Variants in TRAF3 observed in about 807,000 individuals in gnomAD.
TRAF3 encodes the protein TNF receptor-associated factor 3.
Under a neutral mutation model 62.3 loss-of-function variants are expected in TRAF3, and 13 were observed. That is an observed-to-expected ratio of 0.21 (90% CI 0.14 to 0.33). The LOEUF is 0.33. Among genes scored for constraint, TRAF3 ranks in the 10% least tolerant of loss-of-function variants. The pLI is 1.00. For missense variants in TRAF3, 440 were observed against 741.8 expected, an observed-to-expected ratio of 0.59 and a Z score of 4.73; for synonymous variants, 269 against 283.4, an observed-to-expected ratio of 0.95 and a Z score of 0.51.
chr14:102,886,970 C>T (rs566940402), intron 7 of TRAF3, among the ~76,000 whole-genome samples: 4 of 152,304 alleles, frequency 2.6e-5, no homozygotes, highest in Admixed American at 6.5e-5. Flanking sequence ...TCACACATGC[C>T]GGGTGGAGGA....
intron 1 of TRAF3, among the ~76,000 whole-genome samples, chr14:102,789,594 A>ATGTGTG (rs56383846): frequency 0.014 from 2,132 of 148,766 alleles, 19 homozygotes; most frequent in South Asian, 0.022. Context: ...AAAAGGATAT[A>ATGTGTG]TGTGTGTGTG....
chr14:102,789,498 T>C (rs1024350636), intron 1 of TRAF3, among the ~76,000 whole-genome samples: 1 of 152,180 alleles, frequency 6.6e-6, no homozygotes, highest in Non-Finnish European at 1.5e-5. Context: ...TCATGTCATA[T>C]GGGTAATGTG....
chr14:102,832,051 G>C (rs1900723389), intron 2 of TRAF3, among the ~76,000 whole-genome samples: 1 of 152,132 alleles, frequency 6.6e-6, no homozygotes, highest in African/African-American at 2.4e-5. Context: ...ACTTGGGAAA[G>C]AAGTGTGAGA....
chr14:102,904,123 C>T (rs1391751559), intron 11 of TRAF3, among the ~76,000 whole-genome samples: 1 of 152,170 alleles, frequency 6.6e-6, no homozygotes, highest in Non-Finnish European at 1.5e-5. Context: ...CCCAGGAAGC[C>T]ACAGTGGAGC....
chr14:102,884,080 T>A (rs1270189239), intron 6 of TRAF3, among the ~76,000 whole-genome samples: 3 of 152,220 alleles, frequency 2.0e-5, no homozygotes, highest in African/African-American at 7.2e-5. Flanking sequence ...AACAAATTTA[T>A]CCTGTCATAG....
chr14:102,900,950 T>C lies in TRAF3; in HGVS notation c.961-2305T>C, dbSNP rs1012345533. Among the ~76,000 whole-genome samples the C allele has an allele frequency of 3.3e-5, 5 of 152,142 alleles. No homozygotes were observed. In the South Asian group the frequency reaches 1.0e-3, roughly 31 times the overall value. On this transcript the variant is annotated intron_variant, in intron 10 of 11. Coordinates refer to ENST00000392745, the MANE Select transcript of TRAF3 (RefSeq NM_145725.3). The stretch of plus-strand genomic sequence containing the variant: ...AACTGCAGTGACTGAGTGTAGACCG[T>C]TCTTCAAGGATGAAATCACGTTTGC...
intron 2 of TRAF3, among the ~76,000 whole-genome samples, chr14:102,852,415 C>T (rs1036014217): frequency 3.3e-5 from 5 of 152,134 alleles, no homozygotes; most frequent in East Asian, 1.9e-4. Flanking sequence ...GAGACATGAC[C>T]GACTCCAGTG....
chr14:102,848,574 T>G (rs1886853797), intron 2 of TRAF3, among the ~76,000 whole-genome samples: 1 of 152,254 alleles, frequency 6.6e-6, no homozygotes, highest in African/African-American at 2.4e-5. Flanking sequence ...TTAAATTTCA[T>G]TTATAATCAT....
At chr14:102,837,966 C>G (rs1186315778) in intron 2 of TRAF3, among the ~76,000 whole-genome samples, 1 of 152,112 alleles carries the variant, frequency 6.6e-6, no homozygotes, top group Non-Finnish European at 1.5e-5. Context: ...GTACAAATGG[C>G]AAATCTGATT....
chr14:102,882,436 C>G (rs570251748), intron 6 of TRAF3, among the ~76,000 whole-genome samples: 1 of 152,274 alleles, frequency 6.6e-6, no homozygotes, highest in East Asian at 1.9e-4. Context: ...TGCATCTGCC[C>G]CTGCCTCTCA....
intron 1 of TRAF3, among the ~76,000 whole-genome samples, chr14:102,813,125 G>GC (rs1199602574): frequency 3.9e-5 from 6 of 151,918 alleles, no homozygotes; most frequent in Non-Finnish European, 8.8e-5. Context: ...ATAGGCATGT[G>GC]CCACCACGCC....
rs1889714867 is a variant in TRAF3 at position 102,891,548 on chromosome 14, C to CG, written c.819+131_819+132insG. 4.0e-6 allele frequency: 4 copies of CG among 1,011,028 alleles called. No homozygotes were observed. The South Asian group carries it at 5.7e-5, about 14-fold the overall frequency. 62.6% of individuals were successfully genotyped at this position (1,011,028 alleles called of 1,614,324 possible). The stretch of plus-strand genomic sequence containing the variant: ...TATCAAGAGAATGTCAAAAAAAACT[C>CG]TGTGTGATCTTGAGCTTATAAATGA... On this transcript the variant is annotated intron_variant, in intron 9 of 11. Transcript: ENST00000392745.
At chr14:102,860,768 G>A (rs766075274) in intron 2 of TRAF3, among the ~76,000 whole-genome samples, 27 of 152,310 alleles carry the variant, frequency 1.8e-4, no homozygotes, top group Middle Eastern at 3.4e-3. Context: ...TACAGCATTG[G>A]GCAGTTTCCA....
At chr14:102,813,372 T>C (rs961945073) in intron 1 of TRAF3, among the ~76,000 whole-genome samples, 42 of 152,320 alleles carry the variant, frequency 2.8e-4, no homozygotes, top group African/African-American at 9.1e-4. Context: ...TGAGCATTTT[T>C]TATGTATTTG....
chr14:102,833,913 C>T (rs1471495816), intron 2 of TRAF3, among the ~76,000 whole-genome samples: 4 of 150,658 alleles, frequency 2.7e-5, no homozygotes, highest in African/African-American at 4.9e-5. Context: ...GGCTTGAACC[C>T]GGGAGGCGGA....
At chr14:102,852,641 T>C (rs1034557610) in intron 2 of TRAF3, among the ~76,000 whole-genome samples, 4 of 152,172 alleles carry the variant, frequency 2.6e-5, no homozygotes, top group African/African-American at 9.7e-5. Context: ...GATCTACATA[T>C]GGACAAACAG....
intron 10 of TRAF3, among the ~76,000 whole-genome samples, chr14:102,898,018 T>C (rs1365020641): frequency 6.6e-6 from 1 of 152,240 alleles, no homozygotes; most frequent in East Asian, 1.9e-4. Flanking sequence ...TCTCTGCACA[T>C]TCACTTACTC....
rs545070861 is a variant in TRAF3, at chr14:102,787,352, CT to C, written c.-157+9685del. ...ATATATTTAAATTCGTATTTTAGCA[CT>C]TTTTTTTCTGTTATTTAGCAATAAT... On this transcript the variant is annotated intron_variant, in intron 1 of 11. Transcript: ENST00000392745. Among the ~76,000 whole-genome samples, 36 of 152,040 alleles carry C rather than the reference CT, an allele frequency of 2.4e-4. 1 individual carries two copies. The South Asian group carries it at 2.7e-3, about 11-fold the overall frequency.
intron 2 of TRAF3, among the ~76,000 whole-genome samples, chr14:102,866,940 C>A (rs1888034807): frequency 1.3e-5 from 2 of 150,756 alleles, no homozygotes; most frequent in African/African-American, 2.4e-5. Flanking sequence ...GAAGAGAAAA[C>A]AAGTGGCCTC....
Sources: gnomAD v4.1 joint callset for allele counts (sites outside exome capture counted in the v4.1 genomes callset) on GRCh38, gnomAD v4.1.1 for gene constraint, MANE v1.5 for transcripts, NCBI Gene and HGNC (gene_info 2026-07-23, HGNC 2026-07-21) for gene names.